The following SLC44A5 variants were observed in gnomAD, a reference collection of about 807,000 sequenced individuals.
SLC44A5 encodes solute carrier family 44 member 5, also known as choline transporter-like protein 5.
SLC44A5 carries 57 observed loss-of-function variants against 101.8 expected under a neutral mutation model. The observed-to-expected ratio is 0.56, with a 90% CI of 0.45 to 0.70. The LOEUF is 0.70. Ranked by LOEUF, SLC44A5 falls within the 30% of genes least tolerant of loss-of-function variation. The pLI, the probability that SLC44A5 is intolerant of heterozygous loss-of-function variation, is 0.00. For synonymous variants in SLC44A5, 281 were observed against 290.9 expected, an observed-to-expected ratio of 0.97 and a Z score of 0.35; for missense variants, 737 against 853.1, an observed-to-expected ratio of 0.86 and a Z score of 1.70.
the SLC44A5 span, among the ~76,000 whole-genome samples, chr1:75,704,691 C>T: frequency 6.6e-6 from 1 of 152,120 alleles, no homozygotes; most frequent in Non-Finnish European, 1.5e-5. Context: ...TAGTGTACTA[C>T]CTTGCATGTG....
At chr1:75,548,030 C>T (rs1004098210) in intron 1 of SLC44A5, among the ~76,000 whole-genome samples, 2 of 152,052 alleles carry the variant, frequency 1.3e-5, no homozygotes, top group African/African-American at 4.8e-5. Context: ...TAAAAATTAA[C>T]CTTATACTTT....
At chr1:75,330,702 C>T (rs1656985132) in intron 4 of SLC44A5, among the ~76,000 whole-genome samples, 1 of 152,100 alleles carries the variant, frequency 6.6e-6, no homozygotes, top group Admixed American at 6.6e-5. Flanking sequence ...GGAAAACTTA[C>T]TGAAAGTGTT....
chr1:75,273,250 G>C (rs1651639700), intron 6 of SLC44A5, among the ~76,000 whole-genome samples: 1 of 152,084 alleles, frequency 6.6e-6, no homozygotes, highest in Non-Finnish European at 1.5e-5. Flanking sequence ...CGAGCCTTTA[G>C]TGAATTCATT....
intron 9 of SLC44A5, among the ~76,000 whole-genome samples, chr1:75,240,041 A>T (rs1309495206): frequency 2.0e-5 from 3 of 151,740 alleles, no homozygotes; most frequent in African/African-American, 7.3e-5. Context: ...TATTTCATAT[A>T]TTTTTTTCTG....
intron 22 of SLC44A5, among the ~76,000 whole-genome samples, chr1:75,212,533 T>TTA (rs1212924242): frequency 1.3e-5 from 2 of 152,168 alleles, no homozygotes; most frequent in Non-Finnish European, 1.5e-5. Flanking sequence ...TCATTCTTTC[T>TTA]CACGACTGTA....
intron 22 of SLC44A5, 146 bp downstream of exon 22, chr1:75,213,559 C>A: frequency 1.6e-6 from 1 of 631,112 alleles, no homozygotes; most frequent in Non-Finnish European, 2.8e-6. Flanking sequence ...GAAGAGGACC[C>A]TCACCAGAAA....
In SLC44A5 at chr1:75,245,544, G is replaced by C. The variant is rs147662167; in HGVS notation, c.346-2533C>G. On this transcript the variant is annotated intron_variant, in intron 7 of 23. Transcript: ENST00000370859. ...TACTTCTATTGAATACACTTAAATGGATTTATAAGTGAGTACTGAAAGAAC... is the reference window on the plus strand; with the variant it reads ...TACTTCTATTGAATACACTTAAATGCATTTATAAGTGAGTACTGAAAGAAC... Among the ~76,000 whole-genome samples the C allele has an allele frequency of 9.4e-3, 1,430 of 152,134 alleles. 13 individuals are homozygous for C. The highest frequency in any genetic ancestry group is 0.013 in the Non-Finnish European group (878 of 67,974).
chr1:75,432,341 A>G lies in SLC44A5; in HGVS notation c.14-35720T>C, dbSNP rs140750132. Among the ~76,000 whole-genome samples, 4 of 152,250 alleles carry G rather than the reference A, an allele frequency of 2.6e-5. No individual in the cohort carries two copies. The East Asian group carries it at 7.7e-4, about 29-fold the overall frequency. ...CTAGCCCCTGCAAACATTTTCTGCA[A>G]CTCACACAGGGGGAAACAGTCATCT... On this transcript the variant is annotated intron_variant, in intron 2 of 23. Transcript: ENST00000370859.
intron 8 of SLC44A5, among the ~76,000 whole-genome samples, chr1:75,242,428 G>A (rs1270303281): frequency 6.6e-6 from 1 of 151,692 alleles, no homozygotes; most frequent in African/African-American, 2.4e-5. Context: ...TTAACATTGT[G>A]ATGATTTAGA....
intron 3 of SLC44A5, among the ~76,000 whole-genome samples, chr1:75,367,452 T>C (rs1424890572): frequency 2.0e-5 from 3 of 152,212 alleles, no homozygotes; most frequent in Non-Finnish European, 4.4e-5. Context: ...AAGGTGGGCC[T>C]ATTAACAGGT....
intron 4 of SLC44A5, among the ~76,000 whole-genome samples, chr1:75,331,773 C>G (rs1395476216): frequency 1.3e-5 from 2 of 152,158 alleles, no homozygotes; most frequent in African/African-American, 4.8e-5. Flanking sequence ...GCTCCCTGCA[C>G]TAAGTGTATT....
chr1:75,356,099 G>C (rs896199712), intron 3 of SLC44A5, among the ~76,000 whole-genome samples: 1 of 150,414 alleles, frequency 6.6e-6, no homozygotes, highest in African/African-American at 2.4e-5. Context: ...TGTAACCCCA[G>C]CTACTCAGGA....
At chr1:75,280,508 A>G (rs966264487) in intron 5 of SLC44A5, among the ~76,000 whole-genome samples, 1 of 121,976 alleles carries the variant, frequency 8.2e-6, no homozygotes, top group African/African-American at 3.3e-5. Flanking sequence ...ATATATATAT[A>G]AAAAAACACC....
chr1:75,603,869 T>G (rs1570724222), intron 1 of SLC44A5, among the ~76,000 whole-genome samples: 1 of 151,696 alleles, frequency 6.6e-6, no homozygotes, highest in Non-Finnish European at 1.5e-5. Context: ...TTATTGGTGT[T>G]TTACTTGTTC....
In SLC44A5 at chr1:75,465,574, C is replaced by T. The variant is rs1258885169; in HGVS notation, c.14-68953G>A. The stretch of plus-strand genomic sequence containing the variant: ...GGAAATTGAGATGAAGAAAACAATA[C>T]AAAAGATCAATAAAACAAAAAGTTG... On this transcript the variant is annotated intron_variant, in intron 2 of 23. Coordinates refer to ENST00000370859, the MANE Select transcript of SLC44A5 (RefSeq NM_001130058.2). 3.3e-5 allele frequency among the ~76,000 whole-genome samples: 5 copies of T among 151,458 alleles called. No homozygotes were observed. In the East Asian group the frequency reaches 5.8e-4, roughly 18 times the overall value.
the SLC44A5 span, among the ~76,000 whole-genome samples, chr1:75,636,517 A>T: frequency 1.3e-5 from 2 of 152,130 alleles, no homozygotes. Flanking sequence ...GAATTCAGAT[A>T]ATACTACTTC....
At chr1:75,445,715 C>T (rs1490095825) in intron 2 of SLC44A5, among the ~76,000 whole-genome samples, 2 of 151,934 alleles carry the variant, frequency 1.3e-5, no homozygotes. Context: ...GGTAAGGACT[C>T]ATAAATTTGT....
the SLC44A5 span, among the ~76,000 whole-genome samples, chr1:75,684,439 T>C: frequency 1.3e-5 from 2 of 152,136 alleles, no homozygotes; most frequent in Non-Finnish European, 2.9e-5. Flanking sequence ...CAAGGCAAGT[T>C]CCTTATACCT....
chr1:75,385,019 G>C (rs1479874437), intron 3 of SLC44A5, among the ~76,000 whole-genome samples: 1 of 152,120 alleles, frequency 6.6e-6, no homozygotes, highest in Admixed American at 6.6e-5. Flanking sequence ...TGAGAACAAA[G>C]ACACAACATA....
Sources: gnomAD v4.1 joint callset for allele counts (sites outside exome capture counted in the v4.1 genomes callset) on GRCh38, gnomAD v4.1.1 for gene constraint, MANE v1.5 for transcripts, NCBI Gene and HGNC (gene_info 2026-07-23, HGNC 2026-07-21) for gene names.